Variants in NCKAP5 observed in about 807,000 individuals in gnomAD.
NCKAP5 encodes the protein NCK associated protein 5.
In NCKAP5, 92 loss-of-function variants were observed where a neutral mutation model predicts 167.0. The ratio of observed to expected loss-of-function variants is 0.55; its 90% confidence interval spans 0.47 to 0.66. NCKAP5 has a LOEUF of 0.66. Ranked by LOEUF, NCKAP5 falls within the 30% of genes least tolerant of loss-of-function variation. The pLI is 0.00. For synonymous variants in NCKAP5, 891 were observed against 877.4 expected, an observed-to-expected ratio of 1.02 and a Z score of -0.27; for missense variants, 2,378 against 2,315.0, an observed-to-expected ratio of 1.03 and a Z score of -0.56.
chr2:132,718,828 C>G (rs1689624201), intron 19 of NCKAP5, among the ~76,000 whole-genome samples: 1 of 152,140 alleles, frequency 6.6e-6, no homozygotes. Flanking sequence ...AAGTTCAGAG[C>G]ATGAATGACC....
At chr2:133,148,436 A>C (rs1242615171) in intron 5 of NCKAP5, among the ~76,000 whole-genome samples, 2 of 152,154 alleles carry the variant, frequency 1.3e-5, no homozygotes, top group Non-Finnish European at 2.9e-5. Flanking sequence ...CTTAATGTTC[A>C]ATTTTTACAT....
rs138350869 is a variant in NCKAP5, at chr2:133,442,254, T to C, written c.69+75204A>G. On this transcript the variant is annotated intron_variant, in intron 3 of 19. Transcript: ENST00000409261. ...GGGAGGAAATATAGAGTGGTAGTAA[T>C]TGGGCTGAATTAATGACTCTAGACA... is the stretch of plus-strand genomic sequence containing the variant. Among the ~76,000 whole-genome samples, 25 of 152,118 alleles carry C rather than the reference T, an allele frequency of 1.6e-4. No homozygotes were observed. In the East Asian group the frequency reaches 3.3e-3, roughly 20 times the overall value.
At chr2:133,341,132 T>C (rs1683551482) in intron 3 of NCKAP5, among the ~76,000 whole-genome samples, 3 of 152,230 alleles carry the variant, frequency 2.0e-5, no homozygotes, top group East Asian at 3.9e-4. Context: ...CCTTGTTATC[T>C]CCTACAACCA....
intron 7 of NCKAP5, among the ~76,000 whole-genome samples, chr2:132,988,460 C>CAAAAAA (rs57024269): frequency 1.4e-4 from 10 of 70,618 alleles, no homozygotes; most frequent in African/African-American, 5.0e-4. Context: ...GACTTTGCCT[C>CAAAAAA]AAAAAAAAAA....
intron 2 of NCKAP5, among the ~76,000 whole-genome samples, chr2:133,539,719 G>T (rs535006987): frequency 3.2e-4 from 49 of 152,190 alleles, no homozygotes; most frequent in African/African-American, 1.1e-3. Flanking sequence ...TTATGCTGAT[G>T]AATCCACCTA....
chr2:132,731,870 T>G lies in NCKAP5; in HGVS notation c.5310A>C (p.Glu1770Asp). ...AVSSMRAQTLEREVPSSTDGQ... is the reference protein window; with the variant it reads ...AVSSMRAQTLDREVPSSTDGQ... ...CGTCTGTGGAGGAAGGCACTTCACG[T>G]TCAAGGGTTTGGGCTCTCATGGAAG... is the stretch of plus-strand genomic sequence containing the variant. The change falls in exon 17 of 20, where the codon GAA becomes GAC. Residue 1770 changes from glutamate to aspartate, a missense_variant. By Grantham distance (45) the Glu-to-Asp change is conservative (BLOSUM62 2). Around this residue, in one of 3 missense-constraint regions of NCKAP5, gnomAD observed 1,325 missense variants for 1,274.5 expected, o/e 1.04. Coordinates refer to ENST00000409261, the MANE Select transcript of NCKAP5 (RefSeq NM_207363.3). The G allele has an allele frequency of 1.9e-6, 3 of 1,613,880 alleles. No individual in the cohort carries two copies. Among genetic ancestry groups the G allele is most frequent in the Non-Finnish European group, 2.5e-6 (3 of 1,179,880 alleles).
chr2:133,366,255 G>C (rs1685452118), intron 3 of NCKAP5, among the ~76,000 whole-genome samples: 2 of 152,172 alleles, frequency 1.3e-5, no homozygotes, highest in African/African-American at 4.8e-5. Context: ...ATGTTGATTA[G>C]ATCATATTTT....
intron 3 of NCKAP5, among the ~76,000 whole-genome samples, chr2:133,511,994 G>T (rs978449453): frequency 1.3e-5 from 2 of 152,096 alleles, no homozygotes; most frequent in African/African-American, 4.8e-5. Context: ...TGGTGTTTTG[G>T]GCTCTGTGCA....
At chr2:133,022,546 C>T (rs1053016583) in intron 6 of NCKAP5, among the ~76,000 whole-genome samples, 1 of 152,124 alleles carries the variant, frequency 6.6e-6, no homozygotes, top group Non-Finnish European at 1.5e-5. Context: ...GGAATCTTAT[C>T]AAGTAGGGAG....
At chr2:132,959,664 G>A (rs2076452952) in intron 8 of NCKAP5, among the ~76,000 whole-genome samples, 1 of 152,168 alleles carries the variant, frequency 6.6e-6, no homozygotes, top group African/African-American at 2.4e-5. Flanking sequence ...GTAGGGAACA[G>A]GGAAGACTCC....
At chr2:132,771,852 T>G (rs1211878111) in intron 16 of NCKAP5, among the ~76,000 whole-genome samples, 1,687 of 145,174 alleles carry the variant, frequency 0.012, 50 homozygotes, top group African/African-American at 0.041. Context: ...TTTTTTTTTT[T>G]TTTTTTTTTT....
intron 3 of NCKAP5, among the ~76,000 whole-genome samples, chr2:133,451,177 A>G (rs1691528619): frequency 6.6e-6 from 1 of 152,062 alleles, no homozygotes; most frequent in South Asian, 2.1e-4. Flanking sequence ...AAATATTGCA[A>G]TTTTTAGAGC....
chr2:132,960,889 C>T (rs747191269), intron 8 of NCKAP5, among the ~76,000 whole-genome samples: 2 of 152,130 alleles, frequency 1.3e-5, no homozygotes, highest in East Asian at 1.9e-4. Flanking sequence ...TGATCCACAA[C>T]ACCAGGGGCC....
At position 132,783,448 on chromosome 2, in the gene NCKAP5, G is replaced by T; in HGVS notation, c.3363C>A (p.Ser1121=). The T allele has an allele frequency of 6.3e-7, 1 of 1,586,874 alleles. No homozygotes were observed. The highest frequency in any genetic ancestry group is 8.6e-7 in the Non-Finnish European group (1 of 1,166,606). The change falls in exon 14 of 20, where the codon TCC becomes TCA. Residue 1121 remains serine, a synonymous_variant. Transcript: ENST00000409261. ...PSSQVSSSSS[S]SSPAKSHNSP... ...TGTTATGGCTTTTGGCGGGTGATGA[G>T]GATGATGAGGAACTGCTGACCTGAG...
chr2:133,130,713 A>G (rs1318680521), intron 5 of NCKAP5, among the ~76,000 whole-genome samples: 1 of 152,216 alleles, frequency 6.6e-6, no homozygotes, highest in Non-Finnish European at 1.5e-5. Context: ...AGGGACTGAA[A>G]GAGGAACTGG....
the NCKAP5 span, among the ~76,000 whole-genome samples, chr2:133,577,728 C>A: frequency 6.6e-6 from 1 of 152,080 alleles, no homozygotes; most frequent in Non-Finnish European, 1.5e-5. Flanking sequence ...TCTTTTAATT[C>A]ATTGCCCTCA....
At chr2:133,133,997 A>G (rs1021850574) in intron 5 of NCKAP5, among the ~76,000 whole-genome samples, 7 of 152,212 alleles carry the variant, frequency 4.6e-5, no homozygotes, top group African/African-American at 1.7e-4. Flanking sequence ...TGCAACTGAT[A>G]TGTTGTGAAA....
chr2:133,178,288 C>T (rs776058201), intron 5 of NCKAP5, among the ~76,000 whole-genome samples: 20 of 151,002 alleles, frequency 1.3e-4, no homozygotes, highest in Non-Finnish European at 2.5e-4. Context: ...CCATTGAGGT[C>T]AGGAGTTTGA....
chr2:132,973,439 T>C (rs990686754), intron 7 of NCKAP5, among the ~76,000 whole-genome samples: 1 of 152,222 alleles, frequency 6.6e-6, no homozygotes, highest in African/African-American at 2.4e-5. Flanking sequence ...TGTGTAATTT[T>C]AGTTATCACA....
Sources: allele counts gnomAD v4.1 joint callset (sites outside exome capture counted in the v4.1 genomes callset), GRCh38; gene constraint gnomAD v4.1.1; regional missense constraint gnomAD v4.1.1; transcripts MANE v1.5; gene names NCBI Gene and HGNC (gene_info 2026-07-23, HGNC 2026-07-21).